TANC2: variants seen among roughly 807,000 people sequenced by gnomAD.
TANC2 encodes tetratricopeptide repeat, ankyrin repeat and coiled-coil containing 2.
Under a neutral mutation model 210.5 loss-of-function variants are expected in TANC2, and 26 were observed. The observed-to-expected ratio is 0.12, with a 90% CI of 0.09 to 0.17. The LOEUF (loss-of-function observed/expected upper bound fraction) is 0.17, where lower values mean the gene tolerates loss of function less well. Among genes scored for constraint, TANC2 ranks in the 10% least tolerant of loss-of-function variants. The probability of loss-of-function intolerance (pLI) is 1.00; values close to 1 mark genes in which losing one functional copy is unlikely to be tolerated. For missense variants in TANC2, 2,129 were observed against 2,608.9 expected (o/e 0.82, Z 4.01); for synonymous variants, 931 against 967.1 (o/e 0.96, Z 0.69).
At chr17:63,191,088 ACTTGCAAG>A (rs2041169413) in intron 5 of TANC2, among the ~76,000 whole-genome samples, 1 of 151,946 alleles carries the variant, frequency 6.6e-6, no homozygotes, top group African/African-American at 2.4e-5. Context: ...CGTAGCAGTT[ACTTGCAAG>A]TGGGAAGTAG....
intron 5 of TANC2, chr17:63,155,189 TA>T (rs2039793816): frequency 6.6e-6 from 1 of 151,940 alleles, no homozygotes; most frequent in Non-Finnish European, 1.5e-5. Context: ...GTGTGACTGA[TA>T]AAAATAGACC....
rs78160973 is a variant in TANC2, at chr17:63,109,577, A to T, written c.322+10220A>T. Among the ~76,000 whole-genome samples the T allele has an allele frequency of 6.9e-3, 1,043 of 151,848 alleles. 9 individuals are homozygous for T. The highest frequency in any genetic ancestry group is 0.014 in the South Asian group (68 of 4,832). On this transcript the variant is annotated intron_variant, in intron 4 of 27. Coordinates refer to ENST00000689528, the Ensembl canonical transcript of TANC2. ...ATGATTTTACAGGCGAGTTTTAGCTAAACTTACAAGTAATAATTATAATAA... is the reference window on the plus strand; with the variant it reads ...ATGATTTTACAGGCGAGTTTTAGCTTAACTTACAAGTAATAATTATAATAA...
At chr17:63,173,875 T>A (rs1442982655) in intron 5 of TANC2, among the ~76,000 whole-genome samples, 1 of 152,236 alleles carries the variant, frequency 6.6e-6, no homozygotes, top group East Asian at 1.9e-4. Flanking sequence ...GGCTTCCTTA[T>A]GCTTTATGAG....
intron 19 of TANC2, among the ~76,000 whole-genome samples, chr17:63,402,537 A>G (rs149027366): frequency 9.9e-5 from 15 of 152,188 alleles, no homozygotes; most frequent in African/African-American, 3.1e-4. Context: ...GGACTCTTCC[A>G]AGGTTGAAAG....
At chr17:63,022,711 C>T (rs930426417) in intron 2 of TANC2, among the ~76,000 whole-genome samples, 1 of 152,030 alleles carries the variant, frequency 6.6e-6, no homozygotes, top group Non-Finnish European at 1.5e-5. Context: ...GGCCCAGAGG[C>T]TGAGGAGGGC....
At chr17:63,411,933 C>A in intron 22 of TANC2, 65 bp from the exon 23 acceptor site, 2 of 1,585,914 alleles carry the variant, frequency 1.3e-6, no homozygotes, top group Non-Finnish European at 1.7e-6. Flanking sequence ...GCAGCCAGAG[C>A]CCTCGGTGGA....
At chr17:63,198,580 A>T (rs370657898) in intron 6 of TANC2, among the ~76,000 whole-genome samples, 1 of 152,182 alleles carries the variant, frequency 6.6e-6, no homozygotes, top group Non-Finnish European at 1.5e-5. Context: ...TGTGTCTCAG[A>T]CTGGGAGTGG....
At chr17:63,338,748 A>G (rs1399609006) in intron 11 of TANC2, among the ~76,000 whole-genome samples, 2 of 152,212 alleles carry the variant, frequency 1.3e-5, no homozygotes, top group Non-Finnish European at 2.9e-5. Flanking sequence ...CTCAGACTTC[A>G]TTGCTTCACT....
At chr17:63,033,413 T>C (rs2034851632) in intron 2 of TANC2, among the ~76,000 whole-genome samples, 2 of 152,122 alleles carry the variant, frequency 1.3e-5, no homozygotes, top group East Asian at 1.9e-4. Context: ...GACACTCTTA[T>C]CTCTCCTGGT....
chr17:63,022,122 C>T (rs1196992953), intron 2 of TANC2, among the ~76,000 whole-genome samples: 2 of 151,788 alleles, frequency 1.3e-5, no homozygotes, highest in Non-Finnish European at 2.9e-5. Context: ...AGGCAGATCA[C>T]GAGGTCAGGA....
At chr17:63,415,425 G>A (rs2147374339) in intron 25 of TANC2, 103 bp from the exon 26 acceptor site, 1 of 1,465,850 alleles carries the variant, frequency 6.8e-7, no homozygotes, top group East Asian at 2.3e-5. Flanking sequence ...GGGAGGGTTA[G>A]CCCTTAGTAA....
At position 63,421,379 on chromosome 17, in the gene TANC2, C is replaced by G. The variant is rs1315330686; in HGVS notation, c.5649C>G (p.Phe1883Leu). ...CCACCTCCAACCTAACTCCGACCTT[C>G]CGGCCATCTTCTTCCATCCAGCAAA... Residue 1883 changes from phenylalanine to leucine, a missense_variant, in exon 28 of 28, where the codon TTC becomes TTG. By Grantham distance (22) the Phe-to-Leu change is conservative. Around this residue, in one of 5 missense-constraint regions of TANC2, gnomAD observed 584 missense variants for 627.3 expected, o/e 0.93. Coordinates refer to ENST00000689528, the Ensembl canonical transcript of TANC2. The surrounding 1 kb of genome is among the most constrained non-coding windows in gnomAD (Gnocchi z 6.9). The G allele has an allele frequency of 1.2e-6, 2 of 1,613,900 alleles. No individual in the cohort carries two copies. Among genetic ancestry groups the G allele is most frequent in the Non-Finnish European group, 1.7e-6 (2 of 1,179,884 alleles).
intron 12 of TANC2, among the ~76,000 whole-genome samples, chr17:63,349,012 A>G (rs1279957606): frequency 1.3e-5 from 2 of 152,158 alleles, no homozygotes; most frequent in Non-Finnish European, 2.9e-5. Flanking sequence ...AAAAATTATG[A>G]TATCCTTAGA....
chr17:62,996,140 G>C (rs1008562465), intron 1 of TANC2, among the ~76,000 whole-genome samples: 25 of 152,074 alleles, frequency 1.6e-4, no homozygotes, highest in African/African-American at 6.0e-4. Context: ...TTTTGAAACA[G>C]AGTTTTTACG....
intron 1 of TANC2, among the ~76,000 whole-genome samples, chr17:62,979,708 T>A (rs984444678): frequency 6.6e-6 from 1 of 152,164 alleles, no homozygotes; most frequent in Non-Finnish European, 1.5e-5. Flanking sequence ...GCCAGGAGTT[T>A]GGACCAGTCT....
At chr17:63,282,415 CA>C (rs1458160065) in intron 9 of TANC2, among the ~76,000 whole-genome samples, 4 of 151,908 alleles carry the variant, frequency 2.6e-5, no homozygotes, top group African/African-American at 7.2e-5. Flanking sequence ...CACAACTTAC[CA>C]AAACTAACAC....
At chr17:63,019,980 G>T (rs1473994251) in intron 2 of TANC2, among the ~76,000 whole-genome samples, 2 of 152,236 alleles carry the variant, frequency 1.3e-5, no homozygotes, top group Non-Finnish European at 2.9e-5. Flanking sequence ...AGGCTGGAGT[G>T]CAGTGGCCTG....
intron 14 of TANC2, among the ~76,000 whole-genome samples, chr17:63,368,228 A>G (rs576781751): frequency 6.6e-6 from 1 of 152,358 alleles, no homozygotes; most frequent in African/African-American, 2.4e-5. Flanking sequence ...AACTTTCTGA[A>G]TGGAGGAGGG....
chr17:63,399,375 A>G (rs1290620186), intron 19 of TANC2: 3 of 152,644 alleles, frequency 2.0e-5, no homozygotes, highest in Admixed American at 1.3e-4. Context: ...ATAGCGTGGT[A>G]TCTGACACAA....
Sources: allele counts gnomAD v4.1 joint callset (sites outside exome capture counted in the v4.1 genomes callset), GRCh38; gene constraint gnomAD v4.1.1; regional missense constraint gnomAD v4.1.1; non-coding constraint Gnocchi (gnomAD v3.1); transcripts MANE v1.5; gene names NCBI Gene and HGNC (gene_info 2026-07-23, HGNC 2026-07-21).